THUMPD2: variants seen among roughly 807,000 people sequenced by gnomAD.
THUMPD2 encodes THUMP domain 2 tRNA and snRNA guanosine methyltransferase.
Under a neutral mutation model 49.4 loss-of-function variants are expected in THUMPD2, and 56 were observed. The observed-to-expected ratio is 1.13, with a 90% CI of 0.91 to 1.41. THUMPD2 has a LOEUF of 1.41. THUMPD2 is among the 40% of genes most tolerant of loss of function. The probability of loss-of-function intolerance (pLI) is 0.00; values close to 1 mark genes in which losing one functional copy is unlikely to be tolerated. For synonymous variants in THUMPD2, 237 were observed against 205.2 expected, an observed-to-expected ratio of 1.15 and a Z score of -1.32; for missense variants, 709 against 594.5, an observed-to-expected ratio of 1.19 and a Z score of -2.00.
intron 8 of THUMPD2, among the ~76,000 whole-genome samples, chr2:39,747,654 TAA>T (rs1205135352): frequency 2.0e-5 from 3 of 152,176 alleles, no homozygotes; most frequent in Admixed American, 2.0e-4. Flanking sequence ...TTAAGTTTAA[TAA>T]AAGACTTTTT....
intron 8 of THUMPD2, among the ~76,000 whole-genome samples, chr2:39,745,015 T>C (rs72936095): frequency 0.028 from 4,190 of 152,234 alleles, 185 homozygotes; most frequent in African/African-American, 0.095. Context: ...CTAAAAATTA[T>C]TGTGTCTGAT....
At chr2:39,766,238 C>A in intron 4 of THUMPD2, 129 bp from the exon 5 acceptor site, 2 of 539,678 alleles carry the variant, frequency 3.7e-6, no homozygotes. Flanking sequence ...CCTTATTCAT[C>A]ATATCTAGAA....
Position 39,779,241 on chromosome 2 carries a change from G to A in THUMPD2, c.-2C>T, listed in dbSNP as rs1290337179. ...TGGCTCTCCACGCGCCTCCGACATG[G>A]CGGCTCAGGCGCGCCCTCGCGCCTT... On this transcript the variant is annotated 5_prime_UTR_variant, in exon 1 of 10. Transcript: ENST00000505747. 1 of 1,488,218 alleles carries A rather than the reference G, an allele frequency of 6.7e-7. No homozygotes were observed. The highest frequency in any genetic ancestry group is 8.9e-7 in the Non-Finnish European group (1 of 1,126,876). 92.2% of individuals were successfully genotyped at this position (1,488,218 alleles called of 1,614,324 possible). A position where few individuals can be genotyped will look rare whatever the true frequency, so the allele number is the denominator to read the frequency against.
intron 4 of THUMPD2, 45 bp downstream of exon 4, chr2:39,768,379 A>C (rs993679700): frequency 2.1e-5 from 31 of 1,469,980 alleles, no homozygotes; most frequent in Non-Finnish European, 2.8e-5. Flanking sequence ...ACTGTCTTTA[A>C]AGAATTAGGT....
intron 6 of THUMPD2, chr2:39,757,157 T>G (rs945430000): frequency 5.9e-6 from 2 of 341,868 alleles, no homozygotes; most frequent in Admixed American, 8.1e-5. Context: ...GGTGATCTGA[T>G]GGCATGTGCT....
At chr2:39,764,000 T>C (rs573050635) in intron 5 of THUMPD2, among the ~76,000 whole-genome samples, 17 of 152,380 alleles carry the variant, frequency 1.1e-4, no homozygotes, top group African/African-American at 4.1e-4. Context: ...AGCTTCCTTA[T>C]ACCTTGTGCC....
At chr2:39,757,955 G>A (rs937068036) in intron 6 of THUMPD2, among the ~76,000 whole-genome samples, 1 of 152,120 alleles carries the variant, frequency 6.6e-6, no homozygotes, top group Non-Finnish European at 1.5e-5. Context: ...CCCTCCAAAA[G>A]AACTCTACTA....
chr2:39,776,988 A>G (rs951690283), intron 1 of THUMPD2, among the ~76,000 whole-genome samples: 1 of 152,236 alleles, frequency 6.6e-6, no homozygotes, highest in African/African-American at 2.4e-5. Context: ...TTCTTAAACA[A>G]TCATTCTTGA....
chr2:39,778,476 C>A (rs1162317263), intron 1 of THUMPD2, among the ~76,000 whole-genome samples: 1 of 152,206 alleles, frequency 6.6e-6, no homozygotes. Flanking sequence ...GTCCCATACA[C>A]CCCATCAAGA....
At position 39,769,705 on chromosome 2, in the gene THUMPD2, C is replaced by A; in HGVS notation, c.672+5G>T. The A allele has an allele frequency of 6.5e-7, 1 of 1,529,320 alleles. No homozygotes were observed. The highest frequency in any genetic ancestry group is 8.7e-7 in the Non-Finnish European group (1 of 1,147,262). 94.7% of individuals were successfully genotyped at this position (1,529,320 alleles called of 1,614,324 possible). On this transcript the variant is annotated splice_donor_5th_base_variant and intron_variant, in intron 3 of 9. Coordinates refer to ENST00000505747, the MANE Select transcript of THUMPD2 (RefSeq NM_025264.5). ...GACAGACTCCACTTTAGGATGCAAGCATACCTGTGCAGTGAAGGCCTTTCC... is the reference window on the plus strand; with the variant it reads ...GACAGACTCCACTTTAGGATGCAAGAATACCTGTGCAGTGAAGGCCTTTCC...
At chr2:39,764,617 TTCA>T (rs1677263122) in intron 5 of THUMPD2, among the ~76,000 whole-genome samples, 1 of 152,226 alleles carries the variant, frequency 6.6e-6, no homozygotes, top group African/African-American at 2.4e-5. Flanking sequence ...TCTACTTTGT[TTCA>T]TCATTTCAGA....
intron 8 of THUMPD2, among the ~76,000 whole-genome samples, chr2:39,744,911 T>G (rs983665568): frequency 6.6e-6 from 1 of 152,168 alleles, no homozygotes; most frequent in African/African-American, 2.4e-5. Context: ...TATCATTGTA[T>G]TTTTAAAAGA....
At chr2:39,766,543 G>C (rs887989922) in intron 4 of THUMPD2, among the ~76,000 whole-genome samples, 2 of 152,092 alleles carry the variant, frequency 1.3e-5, no homozygotes, top group Non-Finnish European at 2.9e-5. Flanking sequence ...ACTTTGTTTA[G>C]GCCAAATATA....
intron 8 of THUMPD2, among the ~76,000 whole-genome samples, chr2:39,751,545 T>C (rs984143782): frequency 6.6e-6 from 1 of 152,210 alleles, no homozygotes; most frequent in African/African-American, 2.4e-5. Flanking sequence ...AATGTAAATA[T>C]ATCTGCAGAT....
intron 5 of THUMPD2, among the ~76,000 whole-genome samples, 158 bp from the exon 6 acceptor site, chr2:39,761,576 A>G (rs1419411306): frequency 6.6e-6 from 1 of 152,206 alleles, no homozygotes; most frequent in African/African-American, 2.4e-5. Flanking sequence ...TATTACAAAA[A>G]TTGCTTCTCT....
chr2:39,759,999 TTGTAATGTATCTTAG>T (rs1479596805), intron 6 of THUMPD2, among the ~76,000 whole-genome samples: 2 of 152,164 alleles, frequency 1.3e-5, no homozygotes, highest in African/African-American at 4.8e-5. Flanking sequence ...GCAATAAACC[TTGTAATGTATCTTAG>T]TGTGTGTGTA....
rs1306519693 is a variant in THUMPD2, at chr2:39,736,962, T to C, written c.1285A>G (p.Lys429Glu). The C allele has an allele frequency of 6.2e-7, 1 of 1,614,026 alleles. No homozygotes were observed. The highest frequency in any genetic ancestry group is 8.5e-7 in the Non-Finnish European group (1 of 1,180,018). Residue 429 changes from lysine (K) to glutamate (E), a missense_variant, in exon 10 of 10, where the codon AAG (lysine) becomes GAG (glutamate). Coordinates refer to ENST00000505747, the MANE Select transcript of THUMPD2 (RefSeq NM_025264.5). The part of the protein sequence containing the change: ...CKESNIPFNS[K>E]DSHTDEPGIK... ...CCAGGTTCATCTGTGTGACTGTCCT[T>C]GGAATTGAAAGGGATGTTGCTCTCT...
At position 39,760,951 on chromosome 2, in the gene THUMPD2, C is replaced by G. The variant is rs147389883; in HGVS notation, c.891+380G>C. 1.7e-3 allele frequency among the ~76,000 whole-genome samples: 266 copies of G among 152,218 alleles called. 2 individuals carry two copies. The highest frequency in any genetic ancestry group is 6.0e-3 in the African/African-American group (251 of 41,562). ...TAAGTAAAAATAATGGAGAACATTT[C>G]TTCACTAGAAGATAAAGTCATCTTA... On this transcript the variant is annotated intron_variant, in intron 6 of 9. Coordinates refer to ENST00000505747, the MANE Select transcript of THUMPD2 (RefSeq NM_025264.5).
chr2:39,767,235 T>C (rs940836137), intron 4 of THUMPD2, among the ~76,000 whole-genome samples: 5 of 152,154 alleles, frequency 3.3e-5, no homozygotes, highest in African/African-American at 9.7e-5. Context: ...AGATAATCTA[T>C]GAGAAAAACA....
Sources: allele counts gnomAD v4.1 joint callset (sites outside exome capture counted in the v4.1 genomes callset), GRCh38; gene constraint gnomAD v4.1.1; transcripts MANE v1.5; gene names NCBI Gene and HGNC (gene_info 2026-07-23, HGNC 2026-07-21).